The following PIK3R5 variants were observed in gnomAD, a reference collection of about 807,000 sequenced individuals.
The protein encoded by PIK3R5 is phosphoinositide-3-kinase regulatory subunit 5, also known as phosphoinositide 3-kinase regulatory subunit 5.
PIK3R5 carries 32 observed loss-of-function variants against 94.9 expected under a neutral mutation model. The ratio of observed to expected loss-of-function variants is 0.34; its 90% CI spans 0.25 to 0.45. The LOEUF is 0.45. Among genes scored for constraint, PIK3R5 ranks in the 20% least tolerant of loss-of-function variants. PIK3R5 has a pLI of 1.00. For synonymous variants in PIK3R5, 443 were observed against 479.4 expected (o/e 0.92, Z 0.99); for missense variants, 853 against 1,144.6 (o/e 0.75, Z 3.68).
rs149537008 is a variant in PIK3R5 at position 8,946,692 on chromosome 17, G to A, written c.-14+18904C>T. On this transcript the variant is annotated intron_variant, in intron 1 of 18. Coordinates refer to ENST00000447110, the MANE Select transcript of PIK3R5 (RefSeq NM_001142633.3). ...CTGCTCACATGCCAGCATGTGCCCC[G>A]CCATGTTCTGAGGACTCGAATGACC... Among the ~76,000 whole-genome samples the A allele has an allele frequency of 5.7e-3, 864 of 152,118 alleles. 11 individuals carry two copies. Among genetic ancestry groups the A allele is most frequent in the African/African-American group, 0.019 (795 of 41,472 alleles).
At chr17:8,936,934 A>G (rs889510832) in intron 1 of PIK3R5, among the ~76,000 whole-genome samples, 3 of 152,138 alleles carry the variant, frequency 2.0e-5, no homozygotes, top group African/African-American at 7.2e-5. Context: ...AGATTTTTTT[A>G]TCCATTTTAT....
At position 8,890,525 on chromosome 17, in the gene PIK3R5, C is replaced by T. The variant is rs2089995799; in HGVS notation, c.657+213G>A. 6.6e-6 allele frequency among the ~76,000 whole-genome samples: 1 copy of T among 152,242 alleles called. No individual in the cohort carries two copies. The highest frequency in any genetic ancestry group is 1.5e-5 in the Non-Finnish European group (1 of 68,034). ...TTCTGAGGCACCAGTTATCAGCACC[C>T]AGTCCTACTGCCCAGGCTGCCACCC... On this transcript the variant is annotated intron_variant, in intron 7 of 18. Transcript: ENST00000447110. This position sits in a 1 kb window ranked among gnomAD's most constrained non-coding sequence, Gnocchi z 6.1.
chr17:8,934,146 C>G (rs1425544517), intron 1 of PIK3R5, among the ~76,000 whole-genome samples: 1 of 152,152 alleles, frequency 6.6e-6, no homozygotes, highest in East Asian at 1.9e-4. Context: ...GTAATGCTGT[C>G]TTTACTCTGA....
rs777970182 is a variant in PIK3R5 at position 8,889,107 on chromosome 17, G to A, written c.895+32C>T. 7.5e-6 allele frequency: 12 copies of A among 1,596,808 alleles called. No homozygotes were observed. In the South Asian group the frequency reaches 1.3e-4, roughly 18 times the overall value. On this transcript the variant is annotated intron_variant, in intron 9 of 18. Coordinates refer to ENST00000447110, the MANE Select transcript of PIK3R5 (RefSeq NM_001142633.3). The surrounding 1 kb of genome is among the most constrained non-coding windows in gnomAD (Gnocchi z 4.1). Reference sequence around the variant, plus strand: ...AGAAACACAGCTCAGGCAGTGTGGGGCATGGGTGTCACCAGGGCCCCGGCT... The same window carrying A: ...AGAAACACAGCTCAGGCAGTGTGGGACATGGGTGTCACCAGGGCCCCGGCT...
chr17:8,904,763 G>A lies in PIK3R5; in HGVS notation c.412+14C>T. 18 of 1,613,490 alleles carry A rather than the reference G, an allele frequency of 1.1e-5. No individual in the cohort carries two copies. The highest frequency in any genetic ancestry group is 1.5e-5 in the Non-Finnish European group (18 of 1,179,560). Reference sequence around the variant, plus strand: ...CTGAGCCCTGTCCCCCGTGCCAGCTGCCTCAGTGCTTACCTGGGGCCTTGA... The same window carrying A: ...CTGAGCCCTGTCCCCCGTGCCAGCTACCTCAGTGCTTACCTGGGGCCTTGA... On this transcript the variant is annotated intron_variant, in intron 5 of 18. Transcript: ENST00000447110. This position sits in a 1 kb window ranked among gnomAD's most constrained non-coding sequence, Gnocchi z 5.1.
chr17:8,960,767 C>G (rs769566250), intron 1 of PIK3R5, among the ~76,000 whole-genome samples: 2 of 152,320 alleles, frequency 1.3e-5, no homozygotes, highest in East Asian at 3.9e-4. Context: ...CACACAAGCT[C>G]ATTTGCCTAG....
intron 1 of PIK3R5, among the ~76,000 whole-genome samples, chr17:8,921,365 T>C (rs1419678283): frequency 6.6e-6 from 1 of 152,194 alleles, no homozygotes; most frequent in Non-Finnish European, 1.5e-5. Context: ...AGGACAGATA[T>C]GTGGGTGAGG....
intron 1 of PIK3R5, among the ~76,000 whole-genome samples, chr17:8,953,386 G>T (rs1246722672): frequency 6.6e-6 from 1 of 152,164 alleles, no homozygotes; most frequent in Non-Finnish European, 1.5e-5. Context: ...GCCAAGCTCT[G>T]CCTCTCTCAA....
rs754405677 is a variant in PIK3R5 at position 8,890,177 on chromosome 17, T to G, written c.658-51A>C. On this transcript the variant is annotated intron_variant, in intron 7 of 18. Transcript: ENST00000447110. The surrounding 1 kb of genome is among the most constrained non-coding windows in gnomAD (Gnocchi z 6.1). ...TTGCTCCTGGACCGTGAGCTAGCTG[T>G]CCACCTGTTCCAGTTGCTAGCTTCT... The G allele has an allele frequency of 6.9e-6, 11 of 1,586,262 alleles. No individual in the cohort carries two copies. The highest frequency in any genetic ancestry group is 8.6e-6 in the Non-Finnish European group (10 of 1,159,860).
At chr17:8,891,672 C>A (rs1352614160) in intron 6 of PIK3R5, among the ~76,000 whole-genome samples, 2 of 151,390 alleles carry the variant, frequency 1.3e-5, no homozygotes, top group Non-Finnish European at 2.9e-5. Flanking sequence ...TCTCAGCTCA[C>A]TGCAAGCCCC....
Position 8,909,038 on chromosome 17 carries a change from C to A in PIK3R5, c.204+36G>T. 2 of 1,338,068 alleles carry A rather than the reference C, an allele frequency of 1.5e-6. No individual in the cohort carries two copies. Among genetic ancestry groups the A allele is most frequent in the Non-Finnish European group, 2.1e-6 (2 of 940,562 alleles). 82.9% of individuals were successfully genotyped at this position (1,338,068 alleles called of 1,614,324 possible). ...TATTTCTCCACTCTACGAGGCCGAC[C>A]CCAGATCTGCCCTTCAATTCCTGAC... On this transcript the variant is annotated intron_variant, in intron 3 of 18. Transcript: ENST00000447110. The surrounding 1 kb of genome is among the most constrained non-coding windows in gnomAD (Gnocchi z 4.3).
intron 1 of PIK3R5, among the ~76,000 whole-genome samples, chr17:8,932,656 T>G (rs2091007458): frequency 6.6e-6 from 1 of 152,170 alleles, no homozygotes; most frequent in African/African-American, 2.4e-5. Context: ...ATAAGATCAG[T>G]GAACTTAAAC....
chr17:8,895,619 G>A lies in PIK3R5; in HGVS notation c.413-1964C>T, dbSNP rs187163977. ...ACAACCTTCTCCTTGAAGCTCCTTC[G>A]TCTCCTCTTGTCTCTAGGATGAGGA... is the stretch of plus-strand genomic sequence containing the variant. On this transcript the variant is annotated intron_variant, in intron 5 of 18. Transcript: ENST00000447110. Among the ~76,000 whole-genome samples, 145 of 152,238 alleles carry A rather than the reference G, an allele frequency of 9.5e-4. 2 individuals are homozygous for A. The highest frequency in any genetic ancestry group is 5.4e-4 in the Non-Finnish European group (37 of 68,014).
In PIK3R5 at chr17:8,887,140, T is replaced by C; in HGVS notation, c.1861A>G (p.Asn621Asp). The change falls in exon 12 of 19, where the codon AAT becomes GAT. Residue 621 changes from asparagine (N) to aspartate (D), a missense_variant. Transcript: ENST00000447110. ...LGMLDPWYER[N>D]VLGLMHLPPE... is the part of the protein sequence containing the mutation. The stretch of plus-strand genomic sequence containing the variant: ...GGCAGGTGCATGAGGCCCAGTACAT[T>C]GCGCTCATACCAGGGGTCCAGCATG... 6.2e-7 allele frequency: 1 copy of C among 1,613,966 alleles called. No homozygotes were observed. Among genetic ancestry groups the C allele is most frequent in the Non-Finnish European group, 8.5e-7 (1 of 1,180,004 alleles).
Position 8,963,050 on chromosome 17 carries a change from C to T in PIK3R5, c.-14+2546G>A, listed in dbSNP as rs140433794. Among the ~76,000 whole-genome samples the T allele has an allele frequency of 7.4e-3, 1,122 of 152,300 alleles. 11 individuals are homozygous for T. The highest frequency in any genetic ancestry group is 0.025 in the African/African-American group (1,043 of 41,558). ...TTGCCCAGGCTGGAATGCAGTGACACGATCATAGCTCACTGCAGCCTCGAA... is the reference window on the plus strand; with the variant it reads ...TTGCCCAGGCTGGAATGCAGTGACATGATCATAGCTCACTGCAGCCTCGAA... On this transcript the variant is annotated intron_variant, in intron 1 of 18. Coordinates refer to ENST00000447110, the MANE Select transcript of PIK3R5 (RefSeq NM_001142633.3).
intron 1 of PIK3R5, among the ~76,000 whole-genome samples, chr17:8,936,826 C>T (rs995095785): frequency 6.6e-6 from 1 of 152,094 alleles, no homozygotes; most frequent in Non-Finnish European, 1.5e-5. Context: ...GAGATTGCAT[C>T]GAGTCTAGAG....
At position 8,909,895 on chromosome 17, in the gene PIK3R5, C is replaced by T. The variant is rs1007926373; in HGVS notation, c.104-721G>A. On this transcript the variant is annotated intron_variant, in intron 2 of 18. Coordinates refer to ENST00000447110, the MANE Select transcript of PIK3R5 (RefSeq NM_001142633.3). This position sits in a 1 kb window ranked among gnomAD's most constrained non-coding sequence, Gnocchi z 4.3. ...ATTGCTGGAAGAATACAGAGAGGAGCCACGGTGAGTTCCATCCCAAGACGC... is the reference window on the plus strand; with the variant it reads ...ATTGCTGGAAGAATACAGAGAGGAGTCACGGTGAGTTCCATCCCAAGACGC... Among the ~76,000 whole-genome samples, 4 of 152,204 alleles carry T rather than the reference C, an allele frequency of 2.6e-5. No individual in the cohort carries two copies. The highest frequency in any genetic ancestry group is 9.7e-5 in the African/African-American group (4 of 41,448).
intron 14 of PIK3R5, among the ~76,000 whole-genome samples, chr17:8,886,019 T>C (rs2151359499): frequency 6.8e-6 from 1 of 146,504 alleles, no homozygotes; most frequent in Non-Finnish European, 1.5e-5. Flanking sequence ...CCACCTCCCG[T>C]ATCCCTGCCT....
chr17:8,929,466 A>G (rs1279122500), intron 1 of PIK3R5, among the ~76,000 whole-genome samples: 5 of 152,246 alleles, frequency 3.3e-5, no homozygotes, highest in African/African-American at 1.2e-4. Flanking sequence ...GCAGAGAGGG[A>G]CATTATATAA....
Sources: gnomAD v4.1 joint callset for allele counts (sites outside exome capture counted in the v4.1 genomes callset) on GRCh38, gnomAD v4.1.1 for gene constraint, Gnocchi (gnomAD v3.1) non-coding constraint, MANE v1.5 for transcripts, NCBI Gene and HGNC (gene_info 2026-07-23, HGNC 2026-07-21) for gene names.